KIFAP3: variants seen among roughly 807,000 people sequenced by gnomAD.
KIFAP3 encodes the protein kinesin-associated protein 3.
In KIFAP3, 68 loss-of-function variants were observed where a neutral mutation model predicts 106.5. That is an observed-to-expected ratio of 0.64 (90% CI 0.53 to 0.78). The LOEUF is 0.78. Ranked by LOEUF, KIFAP3 falls within the 30% of genes least tolerant of loss-of-function variation. The probability of loss-of-function intolerance (pLI) is 0.00; values close to 1 mark genes in which losing one functional copy is unlikely to be tolerated. For missense variants in KIFAP3, 780 were observed against 941.8 expected (o/e 0.83, Z 2.25); for synonymous variants, 320 against 311.5 (o/e 1.03, Z -0.29).
At chr1:170,049,619 G>T (rs1369497655) in intron 2 of KIFAP3, among the ~76,000 whole-genome samples, 2 of 152,208 alleles carry the variant, frequency 1.3e-5, no homozygotes, top group Admixed American at 6.5e-5. Flanking sequence ...CTCCCTCTGG[G>T]ACGAAGCTTC....
intron 17 of KIFAP3, among the ~76,000 whole-genome samples, chr1:169,962,091 A>G (rs1167879658): frequency 6.6e-6 from 1 of 152,196 alleles, no homozygotes; most frequent in Non-Finnish European, 1.5e-5. Context: ...GTACTGTTAA[A>G]GTATTGTTTT....
intron 18 of KIFAP3, among the ~76,000 whole-genome samples, chr1:169,956,354 A>G (rs925823832): frequency 2.6e-5 from 4 of 152,222 alleles, no homozygotes; most frequent in Non-Finnish European, 5.9e-5. Context: ...GAAATTAAGT[A>G]AAAATCTGAC....
intron 1 of KIFAP3, among the ~76,000 whole-genome samples, chr1:170,081,262 T>A (rs954878985): frequency 6.6e-6 from 1 of 152,200 alleles, no homozygotes; most frequent in Admixed American, 6.5e-5. Flanking sequence ...TAAAAGGAGA[T>A]ACATCTCTAG....
At chr1:169,927,828 A>G (rs2101772172) in intron 19 of KIFAP3, among the ~76,000 whole-genome samples, 2 of 152,340 alleles carry the variant, frequency 1.3e-5, no homozygotes, top group African/African-American at 4.8e-5. Context: ...AAGGCTAGAA[A>G]GGGAGGTTAG....
chr1:170,084,527 T>C (rs576266359), intron 1 of KIFAP3, among the ~76,000 whole-genome samples: 1 of 152,292 alleles, frequency 6.6e-6, no homozygotes, highest in South Asian at 2.1e-4. Context: ...ACAAGTAGGA[T>C]GCTGGCACAA....
At chr1:169,936,754 G>T (rs550115728) in intron 19 of KIFAP3, among the ~76,000 whole-genome samples, 1 of 151,652 alleles carries the variant, frequency 6.6e-6, no homozygotes, top group South Asian at 2.1e-4. Flanking sequence ...TACAAAAAAT[G>T]AGGGGGAGTA....
chr1:169,947,138 G>A (rs1205552123), intron 19 of KIFAP3, among the ~76,000 whole-genome samples: 1 of 151,856 alleles, frequency 6.6e-6, no homozygotes, highest in Non-Finnish European at 1.5e-5. Flanking sequence ...ACTGAAGAAG[G>A]TGGAAAGAAC....
intron 10 of KIFAP3, among the ~76,000 whole-genome samples, chr1:170,009,343 GAAA>G (rs149353392): frequency 1.3e-5 from 2 of 151,468 alleles, no homozygotes; most frequent in Admixed American, 6.6e-5. Context: ...ACACACAACA[GAAA>G]AAAAAGTGTG....
At chr1:170,029,984 A>G (rs1171533726) in intron 8 of KIFAP3, among the ~76,000 whole-genome samples, 1 of 151,970 alleles carries the variant, frequency 6.6e-6, no homozygotes, top group Non-Finnish European at 1.5e-5. Flanking sequence ...AACTCAAAAT[A>G]TATTATAGCC....
chr1:169,983,291 T>C lies in KIFAP3; in HGVS notation c.1485A>G (p.Gly495=), dbSNP rs1344042031. 1 of 1,604,086 alleles carries C rather than the reference T, an allele frequency of 6.2e-7. No homozygotes were observed. The highest frequency in any genetic ancestry group is 8.5e-7 in the Non-Finnish European group (1 of 1,173,806). Residue 495 remains glycine, a synonymous_variant, in exon 13 of 20, where the codon GGA becomes GGG. Coordinates refer to ENST00000361580, the MANE Select transcript of KIFAP3 (RefSeq NM_014970.4). ...KMIRNISQHD[G]PTKNLFIDYV... Reference sequence around the variant, plus strand: ...TTACAATAAACAGATTTTTAGTTGGTCCATCATGCTGAGAAATGTTTCTAA... The same window carrying C: ...TTACAATAAACAGATTTTTAGTTGGCCCATCATGCTGAGAAATGTTTCTAA...
At chr1:169,951,584 A>T (rs1013444230) in intron 19 of KIFAP3, among the ~76,000 whole-genome samples, 1 of 151,964 alleles carries the variant, frequency 6.6e-6, no homozygotes, top group African/African-American at 2.4e-5. Context: ...GACCCAGTAC[A>T]TAACTTGTGG....
At chr1:170,006,774 C>T (rs1195456460) in intron 10 of KIFAP3, among the ~76,000 whole-genome samples, 1 of 152,050 alleles carries the variant, frequency 6.6e-6, no homozygotes, top group Non-Finnish European at 1.5e-5. Flanking sequence ...ATCTCAGATG[C>T]TAATAAGGCA....
chr1:169,961,264 T>C lies in KIFAP3; in HGVS notation c.1984-29A>G, dbSNP rs373804186. 6.4e-6 allele frequency: 10 copies of C among 1,567,128 alleles called. No homozygotes were observed. In the African/African-American group the frequency reaches 1.2e-4, roughly 19 times the overall value. On this transcript the variant is annotated intron_variant, in intron 17 of 19. Transcript: ENST00000361580. ...TTGAAAACAAACAGTCAACTGTTATTATATAAGCTAACTCACTTGGCACTC... is the reference window on the plus strand; with the variant it reads ...TTGAAAACAAACAGTCAACTGTTATCATATAAGCTAACTCACTTGGCACTC...
intron 9 of KIFAP3, among the ~76,000 whole-genome samples, chr1:170,017,480 G>A (rs1668581756): frequency 6.6e-6 from 1 of 152,064 alleles, no homozygotes; most frequent in African/African-American, 2.4e-5. Context: ...TGAGGAAAAA[G>A]CCAGTGGATC....
chr1:170,046,613 A>G (rs1670271269), intron 3 of KIFAP3, 99 bp downstream of exon 3: 1 of 948,558 alleles, frequency 1.1e-6, no homozygotes, highest in East Asian at 2.8e-5. Flanking sequence ...CCAACATCAA[A>G]TATCAATAGT....
At chr1:170,060,781 C>A (rs1222823006) in intron 1 of KIFAP3, among the ~76,000 whole-genome samples, 1 of 152,130 alleles carries the variant, frequency 6.6e-6, no homozygotes, top group Admixed American at 6.5e-5. Context: ...CTACAGTAAC[C>A]AAAACAGCAT....
At chr1:170,075,652 T>C (rs1349706848), upstream of KIFAP3, among the ~76,000 whole-genome samples, 5 of 152,254 alleles carry the variant, frequency 3.3e-5, no homozygotes, top group Non-Finnish European at 7.3e-5. Flanking sequence ...AATATATTTT[T>C]ATCTTCCCAC....
chr1:169,943,940 C>T (rs1044967381), intron 19 of KIFAP3, among the ~76,000 whole-genome samples: 3 of 152,168 alleles, frequency 2.0e-5, no homozygotes, highest in East Asian at 1.9e-4. Context: ...ATTCGGGTTA[C>T]GTTTTAAATT....
chr1:170,079,002 T>C (rs1671971896), upstream of KIFAP3, among the ~76,000 whole-genome samples: 3 of 152,312 alleles, frequency 2.0e-5, no homozygotes, highest in South Asian at 6.2e-4. Context: ...GAAAATCCAA[T>C]AATTAATTTG....
Sources: gnomAD v4.1 joint callset for allele counts (sites outside exome capture counted in the v4.1 genomes callset) on GRCh38, gnomAD v4.1.1 for gene constraint, MANE v1.5 for transcripts, NCBI Gene and HGNC (gene_info 2026-07-23, HGNC 2026-07-21) for gene names.